Variants in NECTIN1 observed in about 807,000 individuals in gnomAD.
NECTIN1 encodes the protein nectin cell adhesion molecule 1.
A neutral mutation model predicts 48.0 loss-of-function variants in NECTIN1; 23 were observed. The ratio of observed to expected loss-of-function variants is 0.48; its 90% CI spans 0.34 to 0.68. NECTIN1 has a LOEUF of 0.68. Ranked by LOEUF, NECTIN1 falls within the 30% of genes least tolerant of loss-of-function variation. NECTIN1 has a pLI of 0.01. For synonymous variants in NECTIN1, 270 were observed against 288.9 expected, an observed-to-expected ratio of 0.93 and a Z score of 0.66; for missense variants, 591 against 709.9, an observed-to-expected ratio of 0.83 and a Z score of 1.90.
intron 5 of NECTIN1, among the ~76,000 whole-genome samples, chr11:119,669,426 A>G (rs1864830342): frequency 6.6e-6 from 1 of 150,976 alleles, no homozygotes; most frequent in Non-Finnish European, 1.5e-5. Flanking sequence ...AAAAAAAAAA[A>G]TGCACCTTGA....
In NECTIN1 at chr11:119,677,930, G is replaced by A; in HGVS notation, c.431-73C>T. The A allele has an allele frequency of 2.0e-6, 3 of 1,492,622 alleles. No individual in the cohort carries two copies. The highest frequency in any genetic ancestry group is 2.8e-6 in the Non-Finnish European group (3 of 1,080,678). 92.5% of individuals were successfully genotyped at this position (1,492,622 alleles called of 1,614,324 possible). A position where few individuals can be genotyped will look rare whatever the true frequency, so the allele number is the denominator to read the frequency against. ...CAAGATGCACCGGCCAAAAGGGCGT[G>A]GCATCCGTCAGGCCTTGTCTTCAGG... On this transcript the variant is annotated intron_variant, in intron 2 of 5. Coordinates refer to ENST00000264025, the MANE Select transcript of NECTIN1 (RefSeq NM_002855.5). The surrounding 1 kb of genome is among the most constrained non-coding windows in gnomAD (Gnocchi z 5.4).
intron 5 of NECTIN1, among the ~76,000 whole-genome samples, chr11:119,649,311 G>A (rs954007097): frequency 2.6e-5 from 4 of 151,888 alleles, no homozygotes; most frequent in Non-Finnish European, 4.4e-5. Flanking sequence ...AACCCAGGAG[G>A]CAGAGGTTGC....
rs1864975644 is a variant in NECTIN1, at chr11:119,677,525, AG to A, written c.733+29del. On this transcript the variant is annotated intron_variant, in intron 3 of 5. Transcript: ENST00000264025. This position sits in a 1 kb window ranked among gnomAD's most constrained non-coding sequence, Gnocchi z 5.4. ...GAGGAGGGACAGTGGCGCCCACCCC[AG>A]GAGGCCCCTGGCAGCCAGCCCTGCT... is the stretch of plus-strand genomic sequence containing the variant. The A allele has an allele frequency of 6.2e-7, 1 of 1,611,308 alleles. No homozygotes were observed. Among genetic ancestry groups the A allele is most frequent in the South Asian group, 1.1e-5 (1 of 90,992 alleles).
At chr11:119,638,664 G>A in intron 7 of NECTIN1, 1 of 1,415,058 alleles carries the variant, frequency 7.1e-7, no homozygotes, top group African/African-American at 1.4e-5. Flanking sequence ...TCTCTCCTTG[G>A]GGCCATCTCC....
At chr11:119,700,057 C>T (rs943308262) in intron 1 of NECTIN1, among the ~76,000 whole-genome samples, 5 of 152,208 alleles carry the variant, frequency 3.3e-5, no homozygotes, top group African/African-American at 9.7e-5. Flanking sequence ...GGCACTGTAG[C>T]GACAACCGTG....
At chr11:119,694,587 C>T (rs1865311615) in intron 1 of NECTIN1, among the ~76,000 whole-genome samples, 1 of 152,206 alleles carries the variant, frequency 6.6e-6, no homozygotes, top group Admixed American at 6.5e-5. Context: ...TGGCTCACAG[C>T]CGCCTGCCTT....
At position 119,677,516 on chromosome 11, in the gene NECTIN1, G is replaced by A. The variant is rs111433570; in HGVS notation, c.733+39C>T. 59 of 1,606,420 alleles carry A rather than the reference G, an allele frequency of 3.7e-5. No homozygotes were observed. The highest frequency in any genetic ancestry group is 5.5e-5 in the South Asian group (5 of 90,818). On this transcript the variant is annotated intron_variant, in intron 3 of 5. Coordinates refer to ENST00000264025, the MANE Select transcript of NECTIN1 (RefSeq NM_002855.5). This position sits in a 1 kb window ranked among gnomAD's most constrained non-coding sequence, Gnocchi z 5.4. ...AGGAGGAGGGAGGAGGGACAGTGGC[G>A]CCCACCCCAGGAGGCCCCTGGCAGC...
intron 5 of NECTIN1, among the ~76,000 whole-genome samples, chr11:119,670,103 C>T (rs1288682230): frequency 6.6e-6 from 1 of 151,986 alleles, no homozygotes; most frequent in Non-Finnish European, 1.5e-5. Context: ...GGATTACAGG[C>T]ATGTGCCACC....
rs1023996453 is a variant in NECTIN1, at chr11:119,709,640, G to A, written c.79+18835C>T. On this transcript the variant is annotated intron_variant, in intron 1 of 5. Coordinates refer to ENST00000264025, the MANE Select transcript of NECTIN1 (RefSeq NM_002855.5). This position sits in a 1 kb window ranked among gnomAD's most constrained non-coding sequence, Gnocchi z 4.1. ...GCCCCGTGTGGGAAGCCTGAAAGGA[G>A]CCTGGGAAAGACTGGGGCTGGGGGC... Among the ~76,000 whole-genome samples, 1 of 152,094 alleles carries A rather than the reference G, an allele frequency of 6.6e-6. No individual in the cohort carries two copies. Among genetic ancestry groups the A allele is most frequent in the Non-Finnish European group, 1.5e-5 (1 of 68,006 alleles).
intron 1 of NECTIN1, among the ~76,000 whole-genome samples, chr11:119,698,555 C>T (rs985823132): frequency 2.0e-5 from 3 of 152,308 alleles, no homozygotes; most frequent in African/African-American, 7.2e-5. Flanking sequence ...CAGGTAGTTC[C>T]TCCCCATAAG....
chr11:119,675,187 G>A lies in NECTIN1; in HGVS notation c.975C>T (p.Arg325=). 6.2e-7 allele frequency: 1 copy of A among 1,614,206 alleles called. No individual in the cohort carries two copies. Among genetic ancestry groups the A allele is most frequent in the Non-Finnish European group, 8.5e-7 (1 of 1,180,044 alleles). ...ICEATNPIGT[R]SGQVEVNITE... is the part of the protein sequence containing the mutation. Reference sequence around the variant, plus strand: ...TGATATTGACCTCCACCTGGCCTGAGCGTGTACCGATGGGGTTGGTGGCCT... The same window carrying A: ...TGATATTGACCTCCACCTGGCCTGAACGTGTACCGATGGGGTTGGTGGCCT... Residue 325 remains arginine (R), a synonymous_variant, in exon 5 of 6, where the codon CGC becomes CGT. Transcript: ENST00000264025.
chr11:119,679,297 G>C (rs1461062373), intron 1 of NECTIN1, among the ~76,000 whole-genome samples: 1 of 152,194 alleles, frequency 6.6e-6, no homozygotes, highest in Admixed American at 6.5e-5. Flanking sequence ...GGAAACAAAT[G>C]GCGTGATGGA....
intron 5 of NECTIN1, chr11:119,674,346 T>C: frequency 7.1e-7 from 1 of 1,413,304 alleles, no homozygotes; most frequent in Non-Finnish European, 9.2e-7. Flanking sequence ...TGGACTTGTT[T>C]TGATGCTTCC....
chr11:119,722,486 G>T (rs1229608590), intron 1 of NECTIN1, among the ~76,000 whole-genome samples: 1 of 152,222 alleles, frequency 6.6e-6, no homozygotes, highest in Non-Finnish European at 1.5e-5. Context: ...TGAGTCCCAG[G>T]CCCTCTCTAT....
chr11:119,669,136 G>T (rs945669100), intron 5 of NECTIN1, among the ~76,000 whole-genome samples: 2 of 152,240 alleles, frequency 1.3e-5, no homozygotes, highest in African/African-American at 4.8e-5. Flanking sequence ...TGCAGGCTGG[G>T]CACAGTGGCT....
intron 5 of NECTIN1, among the ~76,000 whole-genome samples, chr11:119,650,172 T>A (rs2135531505): frequency 6.6e-6 from 1 of 152,264 alleles, no homozygotes; most frequent in South Asian, 2.1e-4. Context: ...TGTCATCAGT[T>A]AAGGCAGGAA....
Position 119,678,405 on chromosome 11 carries a change from G to C in NECTIN1, c.430+10C>G. 1 of 1,612,520 alleles carries C rather than the reference G, an allele frequency of 6.2e-7. No homozygotes were observed. Among genetic ancestry groups the C allele is most frequent in the South Asian group, 1.1e-5 (1 of 91,058 alleles). ...CTGGATGAACAGGGAGGGGGCCCAGGGCAGCTTACCCATCACCGTGAGATT... is the reference window on the plus strand; with the variant it reads ...CTGGATGAACAGGGAGGGGGCCCAGCGCAGCTTACCCATCACCGTGAGATT... On this transcript the variant is annotated intron_variant, in intron 2 of 5. Coordinates refer to ENST00000264025, the MANE Select transcript of NECTIN1 (RefSeq NM_002855.5). This position sits in a 1 kb window ranked among gnomAD's most constrained non-coding sequence, Gnocchi z 4.4.
chr11:119,686,133 C>A (rs969222227), intron 1 of NECTIN1, among the ~76,000 whole-genome samples: 24 of 152,338 alleles, frequency 1.6e-4, no homozygotes, highest in Admixed American at 6.5e-4. Context: ...GTCAAGTAAT[C>A]ACCAAGTCTT....
intron 5 of NECTIN1, among the ~76,000 whole-genome samples, chr11:119,648,414 G>GGTGATGGTGGTGGTGGTGGTC: frequency 9.9e-6 from 1 of 100,542 alleles, no homozygotes; most frequent in African/African-American, 4.4e-5. Flanking sequence ...TGGTGATGGT[G>GGTGATGGTGGTGGTGGTGGTC]GTGGTGATGG....
Sources: gnomAD v4.1 joint callset for allele counts (sites outside exome capture counted in the v4.1 genomes callset) on GRCh38, gnomAD v4.1.1 for gene constraint, Gnocchi (gnomAD v3.1) non-coding constraint, MANE v1.5 for transcripts, NCBI Gene and HGNC (gene_info 2026-07-23, HGNC 2026-07-21) for gene names.